IGF2BP3: variants seen among roughly 807,000 people sequenced by gnomAD.
IGF2BP3 encodes the protein insulin like growth factor 2 mRNA binding protein 3, also known as insulin-like growth factor 2 mRNA-binding protein 3.
Under a neutral mutation model 73.8 loss-of-function variants are expected in IGF2BP3, and 9 were observed. The observed-to-expected ratio is 0.12, with a 90% confidence interval of 0.07 to 0.21. The LOEUF is 0.21. Ranked by LOEUF, IGF2BP3 falls within the 10% of genes least tolerant of loss-of-function variation. The pLI, the probability that IGF2BP3 is intolerant of heterozygous loss-of-function variation, is 1.00. For missense variants in IGF2BP3, 542 were observed against 714.0 expected (o/e 0.76, Z 2.75); for synonymous variants, 258 against 256.7 (o/e 1.01, Z -0.05).
chr7:23,348,865 A>G lies in IGF2BP3; in HGVS notation c.684-1131T>C, dbSNP rs1382224603. Among the ~76,000 whole-genome samples the G allele has an allele frequency of 2.6e-5, 4 of 152,242 alleles. No individual in the cohort carries two copies. The East Asian group carries it at 7.7e-4, about 29-fold the overall frequency. On this transcript the variant is annotated intron_variant, in intron 6 of 14. Transcript: ENST00000258729. Reference sequence around the variant, plus strand: ...TCTAATTGCGGGAAGAGATGGTTAAATAACAGTATATTCATATCATACAGA... The same window carrying G: ...TCTAATTGCGGGAAGAGATGGTTAAGTAACAGTATATTCATATCATACAGA...
At chr7:23,436,680 G>A (rs893515021) in intron 2 of IGF2BP3, among the ~76,000 whole-genome samples, 1 of 152,172 alleles carries the variant, frequency 6.6e-6, no homozygotes, top group African/African-American at 2.4e-5. Context: ...CACATAACCT[G>A]AGATGATATT....
intron 3 of IGF2BP3, 116 bp from the exon 4 acceptor site, chr7:23,361,857 C>G (rs760179598): frequency 1.2e-6 from 1 of 836,788 alleles, no homozygotes; most frequent in Admixed American, 2.8e-5. Context: ...AAAAAATTAT[C>G]TGGGGCTTTG....
intron 10 of IGF2BP3, among the ~76,000 whole-genome samples, chr7:23,322,853 T>G (rs1421563332): frequency 2.0e-5 from 3 of 152,072 alleles, no homozygotes; most frequent in Admixed American, 1.3e-4. Context: ...ATAAAATCCT[T>G]TACAGGCAAG....
chr7:23,332,073 G>T (rs1268417677), intron 10 of IGF2BP3, among the ~76,000 whole-genome samples: 1 of 151,986 alleles, frequency 6.6e-6, no homozygotes, highest in Non-Finnish European at 1.5e-5. Flanking sequence ...AACAGCAAGG[G>T]GGAAATCCGC....
At chr7:23,318,884 G>A (rs923283254) in intron 11 of IGF2BP3, among the ~76,000 whole-genome samples, 4 of 152,210 alleles carry the variant, frequency 2.6e-5, no homozygotes, top group African/African-American at 9.6e-5. Flanking sequence ...AGGTGGCTTG[G>A]AAGGAACTTA....
intron 3 of IGF2BP3, chr7:23,365,532 C>T (rs551907779): frequency 6.6e-6 from 1 of 152,142 alleles, no homozygotes; most frequent in African/African-American, 2.4e-5. Flanking sequence ...CACACACATA[C>T]AAATGATACA....
rs1190797612 is a variant in IGF2BP3, at chr7:23,470,449, A to G, written c.-339T>C. Reference sequence around the variant, plus strand: ...AACTACTTTTTGTCTCTTCCTTCCCAACCCCTTTGGCTTCGGCCAGCGGAC... The same window carrying G: ...AACTACTTTTTGTCTCTTCCTTCCCGACCCCTTTGGCTTCGGCCAGCGGAC... On this transcript the variant is annotated 5_prime_UTR_variant, in exon 1 of 15. Coordinates refer to ENST00000258729, the MANE Select transcript of IGF2BP3 (RefSeq NM_006547.3). 1 of 160,068 alleles carries G rather than the reference A, an allele frequency of 6.2e-6. No individual in the cohort carries two copies. Among genetic ancestry groups the G allele is most frequent in the Non-Finnish European group, 1.4e-5 (1 of 73,398 alleles). The allele number at this position is 160,068 out of a possible 1,614,324, so 9.9% of individuals were successfully genotyped here. A position where few individuals can be genotyped will look rare whatever the true frequency, so the allele number is the denominator to read the frequency against.
chr7:23,429,859 T>G (rs895732631), intron 2 of IGF2BP3, among the ~76,000 whole-genome samples: 4 of 152,190 alleles, frequency 2.6e-5, no homozygotes, highest in Non-Finnish European at 4.4e-5. Flanking sequence ...GTATTAGACC[T>G]GCAACCTTTC....
chr7:23,435,216 C>A (rs1000871613), intron 2 of IGF2BP3, among the ~76,000 whole-genome samples: 1 of 145,554 alleles, frequency 6.9e-6, no homozygotes, highest in Non-Finnish European at 1.5e-5. Context: ...TCGCTTGAAC[C>A]CGGGAGGCGG....
intron 2 of IGF2BP3, among the ~76,000 whole-genome samples, chr7:23,435,930 T>C (rs1160609656): frequency 4.6e-5 from 7 of 152,082 alleles, no homozygotes; most frequent in Non-Finnish European, 1.0e-4. Context: ...GCTAATACTG[T>C]ATTTTTAGTA....
intron 2 of IGF2BP3, among the ~76,000 whole-genome samples, chr7:23,441,183 C>G (rs1419827372): frequency 6.6e-6 from 1 of 152,088 alleles, no homozygotes; most frequent in East Asian, 1.9e-4. Flanking sequence ...TTACTTCTAA[C>G]AAGACACACA....
At chr7:23,407,946 CAGGGGGCGGG>C (rs1366089300) in intron 3 of IGF2BP3, among the ~76,000 whole-genome samples, 1 of 23,422 alleles carries the variant, frequency 4.3e-5, no homozygotes, top group Non-Finnish European at 8.2e-5. Flanking sequence ...TTGTGGGGGG[CAGGGGGCGGG>C]GGGCGGGGGG....
intron 2 of IGF2BP3, among the ~76,000 whole-genome samples, chr7:23,459,683 T>C (rs1395284453): frequency 2.6e-5 from 4 of 151,504 alleles, no homozygotes; most frequent in Admixed American, 2.6e-4. Flanking sequence ...ATACAAAAAT[T>C]AGCTGGGTGT....
chr7:23,450,632 A>C (rs1788175381), intron 2 of IGF2BP3: 1 of 152,208 alleles, frequency 6.6e-6, no homozygotes, highest in Non-Finnish European at 1.5e-5. Flanking sequence ...TCCACATTGA[A>C]ACTAGACTTT....
intron 3 of IGF2BP3, among the ~76,000 whole-genome samples, chr7:23,386,496 A>G (rs1457203463): frequency 1.3e-5 from 2 of 152,220 alleles, no homozygotes; most frequent in East Asian, 1.9e-4. Flanking sequence ...GGAGCCCCCA[A>G]CAGCCAAAGC....
At chr7:23,392,188 C>T (rs1786297794) in intron 3 of IGF2BP3, among the ~76,000 whole-genome samples, 1 of 152,122 alleles carries the variant, frequency 6.6e-6, no homozygotes, top group Non-Finnish European at 1.5e-5. Context: ...GTACTGTCCA[C>T]AGTATGGCAG....
rs1783855928 is a variant in IGF2BP3, at chr7:23,312,363, T to TA, written c.1738dup (p.Ter580LeufsTer44). 6.2e-7 allele frequency: 1 copy of TA among 1,608,868 alleles called. No individual in the cohort carries two copies. Among genetic ancestry groups the TA allele is most frequent in the African/African-American group, 1.3e-5 (1 of 74,818 alleles). On this transcript the variant is annotated frameshift_variant and stop_lost, in exon 15 of 15. Transcript: ENST00000258729. LOFTEE classifies it high-confidence loss of function. ...TGTGGTGGGCTGTTTCCTGAGCCTT[T>TA]ACTTCCGTCTTGACTGAGGTGGTCC...
intron 2 of IGF2BP3, among the ~76,000 whole-genome samples, chr7:23,444,525 G>C (rs556695077): frequency 9.2e-5 from 14 of 152,002 alleles, no homozygotes; most frequent in Non-Finnish European, 2.9e-5. Context: ...TGGATCACTT[G>C]AGGCCAGGAG....
intron 2 of IGF2BP3, among the ~76,000 whole-genome samples, chr7:23,447,378 A>C (rs1157414988): frequency 6.6e-6 from 1 of 152,002 alleles, no homozygotes; most frequent in Non-Finnish European, 1.5e-5. Flanking sequence ...TAATCCCAGC[A>C]CTTAGGAGGC....
Sources: gnomAD v4.1 joint callset for allele counts (sites outside exome capture counted in the v4.1 genomes callset) on GRCh38, gnomAD v4.1.1 for gene constraint, MANE v1.5 for transcripts, NCBI Gene and HGNC (gene_info 2026-07-23, HGNC 2026-07-21) for gene names.